Variants in RALB observed in about 807,000 individuals in gnomAD.
The protein encoded by RALB is ras-related protein Ral-B.
RALB carries 16 observed loss-of-function variants against 21.3 expected under a neutral mutation model. The observed-to-expected ratio is 0.75, with a 90% CI of 0.51 to 1.14. The LOEUF is 1.14. RALB is among the 50% of genes most tolerant of loss of function. The pLI is 0.00. For synonymous variants in RALB, 93 were observed against 96.1 expected (o/e 0.97, Z 0.19); for missense variants, 161 against 256.2 (o/e 0.63, Z 2.54).
At chr2:120,266,187 G>A (rs1349203933) in intron 1 of RALB, among the ~76,000 whole-genome samples, 1 of 152,238 alleles carries the variant, frequency 6.6e-6, no homozygotes, top group Non-Finnish European at 1.5e-5. Flanking sequence ...GGCTGAGGCA[G>A]GAGAGTCACT....
chr2:120,280,937 A>G (rs1689974648), intron 2 of RALB: 1 of 404,570 alleles, frequency 2.5e-6, no homozygotes, highest in Non-Finnish European at 4.8e-6. Flanking sequence ...TAATAAAAAT[A>G]TTGTTATTTT....
chr2:120,278,299 G>T (rs553042288), intron 1 of RALB, among the ~76,000 whole-genome samples: 1 of 152,244 alleles, frequency 6.6e-6, no homozygotes, highest in Non-Finnish European at 1.5e-5. Flanking sequence ...CGAGCGGTTT[G>T]GTCTCTGCCT....
At chr2:120,261,427 G>T (rs186597348) in intron 1 of RALB, among the ~76,000 whole-genome samples, 255 of 152,280 alleles carry the variant, frequency 1.7e-3, no homozygotes, top group African/African-American at 6.0e-3. Flanking sequence ...CTCTGAGGGA[G>T]TTAGGGTTTG....
intron 1 of RALB, among the ~76,000 whole-genome samples, chr2:120,271,393 C>T (rs1001166544): frequency 2.6e-5 from 4 of 152,186 alleles, no homozygotes; most frequent in East Asian, 1.9e-4. Context: ...CCCACTTTCC[C>T]GACAAGTCAT....
intron 1 of RALB, among the ~76,000 whole-genome samples, chr2:120,271,787 C>T (rs1427130236): frequency 6.6e-6 from 1 of 152,126 alleles, no homozygotes; most frequent in Admixed American, 6.6e-5. Context: ...TTATGCTTTC[C>T]ATTATATCTT....
upstream of RALB, among the ~76,000 whole-genome samples, chr2:120,249,644 T>C (rs10166660): frequency 3.6e-3 from 555 of 152,294 alleles, 3 homozygotes; most frequent in African/African-American, 0.013. Context: ...AAGCCATTCA[T>C]GAGGGATCTG....
intron 1 of RALB, among the ~76,000 whole-genome samples, chr2:120,240,484 G>A (rs981641119): frequency 6.6e-6 from 1 of 151,776 alleles, no homozygotes; most frequent in Admixed American, 6.6e-5. Context: ...GTATTTTGTA[G>A]AGACAGGGTT....
intron 1 of RALB, among the ~76,000 whole-genome samples, chr2:120,261,494 A>AGG (rs1363999557): frequency 7.2e-5 from 11 of 152,306 alleles, no homozygotes; most frequent in African/African-American, 2.4e-4. Context: ...GAGTAAGCAG[A>AGG]GGGAGGGCAC....
chr2:120,241,796 T>G (rs1186436795), intron 1 of RALB, among the ~76,000 whole-genome samples: 1 of 152,134 alleles, frequency 6.6e-6, no homozygotes, highest in Non-Finnish European at 1.5e-5. Flanking sequence ...ATGGAGAAAT[T>G]GGAACCTTTG....
rs1488769416 is a variant in RALB at position 120,252,990 on chromosome 2, C to G, written c.-48+10C>G. The G allele has an allele frequency of 1.0e-6, 1 of 984,480 alleles. No individual in the cohort carries two copies. Among genetic ancestry groups the G allele is most frequent in the African/African-American group, 1.8e-5 (1 of 57,056 alleles). The allele number at this position is 984,480 out of a possible 1,614,324, so 61.0% of individuals were successfully genotyped here. A position where few individuals can be genotyped will look rare whatever the true frequency, so the allele number is the denominator to read the frequency against. ...GCGGGACTGGTCCCTGGTAAGGGCG[C>G]GGCGCCCGCGGGCCCCGGGCGGGGT... On this transcript the variant is annotated intron_variant, in intron 1 of 4. Transcript: ENST00000272519.
At chr2:120,278,809 T>C in intron 2 of RALB, 31 bp downstream of exon 2, 1 of 1,474,078 alleles carries the variant, frequency 6.8e-7, no homozygotes, top group Non-Finnish European at 9.1e-7. Context: ...ACCACCTTCC[T>C]TTGGCATTGG....
At chr2:120,248,688 T>C (rs1689009288), upstream of RALB, among the ~76,000 whole-genome samples, 1 of 152,246 alleles carries the variant, frequency 6.6e-6, no homozygotes, top group African/African-American at 2.4e-5. Context: ...CTTCTTGCTG[T>C]GTCGTCCAGG....
intron 1 of RALB, among the ~76,000 whole-genome samples, chr2:120,255,532 G>A (rs1353913210): frequency 6.6e-6 from 1 of 152,178 alleles, no homozygotes; most frequent in African/African-American, 2.4e-5. Flanking sequence ...AAATATTGGT[G>A]TATGTGTACA....
chr2:120,277,818 C>A (rs1012392713), intron 1 of RALB, among the ~76,000 whole-genome samples: 1 of 147,224 alleles, frequency 6.8e-6, no homozygotes, highest in Non-Finnish European at 1.5e-5. Context: ...CGTGTGAGAG[C>A]AAGTGTGTGA....
chr2:120,278,179 G>C (rs1327033968), intron 1 of RALB, among the ~76,000 whole-genome samples: 1 of 152,082 alleles, frequency 6.6e-6, no homozygotes, highest in Non-Finnish European at 1.5e-5. Context: ...TTGTGGGGTA[G>C]AGGGTAAGAG....
rs1012244464 is a variant in RALB at position 120,294,570 on chromosome 2, C to T, written c.*1310C>T. ...TCATATATAGGTGCCAAAAGTGAAT[C>T]GGGGTGCGGAGAGTGGGAACCTTTT... On this transcript the variant is annotated 3_prime_UTR_variant, in exon 5 of 5. Coordinates refer to ENST00000272519, the MANE Select transcript of RALB (RefSeq NM_002881.3). 1.5e-5 allele frequency: 4 copies of T among 260,050 alleles called. No individual in the cohort carries two copies. The highest frequency in any genetic ancestry group is 2.2e-5 in the African/African-American group (1 of 45,306). The allele number at this position is 260,050 out of a possible 1,614,324, so 16.1% of individuals were successfully genotyped here. A position where few individuals can be genotyped will look rare whatever the true frequency, so the allele number is the denominator to read the frequency against.
At chr2:120,245,576 G>A (rs73948765) in intron 1 of RALB, among the ~76,000 whole-genome samples, 5,849 of 152,286 alleles carry the variant, frequency 0.038, 375 homozygotes, top group African/African-American at 0.13. Flanking sequence ...CCTCCTGCTA[G>A]TTGGCCTTCC....
intron 1 of RALB, chr2:120,253,313 C>T (rs547571549): frequency 4.7e-6 from 4 of 850,800 alleles, no homozygotes; most frequent in Non-Finnish European, 5.7e-6. Flanking sequence ...CGCTCGGGAC[C>T]GTCCACTTCC....
chr2:120,262,684 C>T (rs905637908), intron 1 of RALB, among the ~76,000 whole-genome samples: 2 of 152,164 alleles, frequency 1.3e-5, no homozygotes, highest in Non-Finnish European at 2.9e-5. Context: ...CATACTGACA[C>T]AGCAGGGAAG....
Sources: gnomAD v4.1 joint callset for allele counts (sites outside exome capture counted in the v4.1 genomes callset) on GRCh38, gnomAD v4.1.1 for gene constraint, MANE v1.5 for transcripts, NCBI Gene and HGNC (gene_info 2026-07-23, HGNC 2026-07-21) for gene names.